Variants in GRM7 observed in about 807,000 individuals in gnomAD.
The protein encoded by GRM7 is glutamate metabotropic receptor 7.
Under a neutral mutation model 84.5 loss-of-function variants are expected in GRM7, and 35 were observed. The ratio of observed to expected loss-of-function variants is 0.41; its 90% CI spans 0.32 to 0.55. The LOEUF is 0.55. GRM7 is among the 20% of genes least tolerant of loss of function. GRM7 has a pLI of 0.19. For synonymous variants in GRM7, 487 were observed against 455.1 expected (o/e 1.07, Z -0.89); for missense variants, 1,003 against 1,194.6 (o/e 0.84, Z 2.36).
chr3:7,560,130 T>C (rs913147820), intron 7 of GRM7, among the ~76,000 whole-genome samples: 7 of 152,056 alleles, frequency 4.6e-5, no homozygotes, highest in East Asian at 1.9e-4. Context: ...GAGTTTCAGA[T>C]AATTGTGAGA....
intron 1 of GRM7, among the ~76,000 whole-genome samples, chr3:7,090,363 T>C (rs1274322815): frequency 7.6e-6 from 1 of 131,610 alleles, no homozygotes; most frequent in East Asian, 2.0e-4. Context: ...TGGCTGTAAG[T>C]GTGTGATCTT....
chr3:7,274,936 T>C (rs1698997501), intron 2 of GRM7, among the ~76,000 whole-genome samples: 2 of 152,088 alleles, frequency 1.3e-5, no homozygotes, highest in South Asian at 4.1e-4. Flanking sequence ...GTATATCATA[T>C]CTACTGTAGT....
At chr3:7,496,043 C>G (rs1699690548) in intron 7 of GRM7, among the ~76,000 whole-genome samples, 1 of 152,094 alleles carries the variant, frequency 6.6e-6, no homozygotes, top group African/African-American at 2.4e-5. Context: ...ATATTTTATC[C>G]ATGAAACTCA....
At chr3:7,284,212 C>G (rs1431671762) in intron 2 of GRM7, among the ~76,000 whole-genome samples, 1 of 151,940 alleles carries the variant, frequency 6.6e-6, no homozygotes, top group African/African-American at 2.4e-5. Context: ...TGTGTAGTTA[C>G]AAATGCTGAT....
At chr3:7,357,015 T>C (rs1326070887) in intron 4 of GRM7, among the ~76,000 whole-genome samples, 1 of 149,650 alleles carries the variant, frequency 6.7e-6, no homozygotes, top group East Asian at 1.9e-4. Flanking sequence ...TCATATAATA[T>C]ATATTTGATA....
chr3:7,420,462 A>G (rs1211895451), intron 5 of GRM7, among the ~76,000 whole-genome samples: 1 of 152,158 alleles, frequency 6.6e-6, no homozygotes, highest in Non-Finnish European at 1.5e-5. Flanking sequence ...CGTTTTGATG[A>G]GAAGCAATGT....
Position 7,203,294 on chromosome 3 carries a change from G to A in GRM7, c.736+56626G>A, listed in dbSNP as rs181286547. ...GATCAAGTGTAGCTCTCACATATGC[G>A]TGAGAATATGTAGCATTTGTCTTTC... On this transcript the variant is annotated intron_variant, in intron 2 of 9. Transcript: ENST00000357716. Among the ~76,000 whole-genome samples the A allele has an allele frequency of 9.2e-5, 14 of 152,148 alleles. No homozygotes were observed. In the East Asian group the frequency reaches 2.3e-3, roughly 25 times the overall value.
chr3:7,080,399 G>A (rs145390094), intron 1 of GRM7, among the ~76,000 whole-genome samples: 4 of 152,034 alleles, frequency 2.6e-5, no homozygotes, highest in South Asian at 2.1e-4. Context: ...ATTATTGACC[G>A]GCTTTCCTAC....
chr3:7,404,009 G>C (rs1158414972), intron 4 of GRM7, among the ~76,000 whole-genome samples: 2 of 152,034 alleles, frequency 1.3e-5, no homozygotes, highest in Non-Finnish European at 2.9e-5. Context: ...AATCACCTGG[G>C]AAGCTAAAAA....
intron 7 of GRM7, among the ~76,000 whole-genome samples, chr3:7,549,570 G>A (rs1038085429): frequency 2.6e-5 from 4 of 152,248 alleles, no homozygotes; most frequent in East Asian, 1.9e-4. Context: ...AATAGGTTAC[G>A]ACTTGGAAGA....
At chr3:7,207,097 A>G (rs548495752) in intron 2 of GRM7, among the ~76,000 whole-genome samples, 2 of 152,200 alleles carry the variant, frequency 1.3e-5, no homozygotes, top group Admixed American at 6.5e-5. Context: ...AAGGAAAACA[A>G]TGTTCGCTGG....
At chr3:6,936,145 A>G (rs567335848) in intron 1 of GRM7, among the ~76,000 whole-genome samples, 1 of 152,170 alleles carries the variant, frequency 6.6e-6, no homozygotes. Context: ...AGGTTCCTCC[A>G]GCACCCAGCT....
intron 1 of GRM7, among the ~76,000 whole-genome samples, chr3:7,132,039 T>C (rs1253526986): frequency 6.6e-6 from 1 of 152,172 alleles, no homozygotes; most frequent in East Asian, 1.9e-4. Context: ...TTTCATTTGC[T>C]CTTTTGCTAA....
Position 7,359,290 on chromosome 3 carries a change from G to A in GRM7, c.1033+52638G>A, listed in dbSNP as rs771445458. Among the ~76,000 whole-genome samples, 32 of 137,076 alleles carry A rather than the reference G, an allele frequency of 2.3e-4. 2 individuals are homozygous for A. Among genetic ancestry groups the A allele is most frequent in the African/African-American group, 8.6e-4 (30 of 34,986 alleles). 89.9% of individuals were successfully genotyped at this position (137,076 alleles called of 152,430 possible). On this transcript the variant is annotated intron_variant, in intron 4 of 9. Transcript: ENST00000357716. ...ATACTCAGGTTTTCCCTTTCATTAG[G>A]CACCTCACAAAAAGTAACTGAATCC...
intron 7 of GRM7, among the ~76,000 whole-genome samples, chr3:7,541,444 G>C (rs772059464): frequency 7.2e-5 from 11 of 152,090 alleles, no homozygotes; most frequent in African/African-American, 1.4e-4. Context: ...ATTTTTATTA[G>C]ATGTGAATTA....
intron 6 of GRM7, among the ~76,000 whole-genome samples, chr3:7,453,755 C>T (rs975403281): frequency 6.6e-6 from 1 of 151,986 alleles, no homozygotes; most frequent in African/African-American, 2.4e-5. Context: ...TGATCGACAA[C>T]CACGAAGAAA....
chr3:7,516,341 G>C (rs1318401920), intron 7 of GRM7, among the ~76,000 whole-genome samples: 1 of 149,844 alleles, frequency 6.7e-6, no homozygotes, highest in Non-Finnish European at 1.5e-5. Context: ...GCCAGGCGTG[G>C]TGGTGTGCGC....
intron 1 of GRM7, among the ~76,000 whole-genome samples, chr3:7,088,201 A>G (rs1698530459): frequency 1.3e-5 from 2 of 150,896 alleles, no homozygotes; most frequent in Admixed American, 6.7e-5. Context: ...CATTCCTGGG[A>G]CATGGGATTG....
chr3:7,119,328 G>A (rs1455387993), intron 1 of GRM7, among the ~76,000 whole-genome samples: 1 of 151,904 alleles, frequency 6.6e-6, no homozygotes, highest in East Asian at 1.9e-4. Flanking sequence ...AAAATTGCAT[G>A]ATGATTTTAC....
Sources: gnomAD v4.1 joint callset for allele counts (sites outside exome capture counted in the v4.1 genomes callset) on GRCh38, gnomAD v4.1.1 for gene constraint, MANE v1.5 for transcripts, NCBI Gene and HGNC (gene_info 2026-07-23, HGNC 2026-07-21) for gene names.